Variants in PROM1 observed in about 807,000 individuals in gnomAD.
The protein encoded by PROM1 is prominin-1.
PROM1 carries 105 observed loss-of-function variants against 116.9 expected under a neutral mutation model. The ratio of observed to expected loss-of-function variants is 0.90; its 90% CI spans 0.77 to 1.06. The LOEUF is 1.06. PROM1 is among the 50% of genes least tolerant of loss of function. PROM1 has a pLI of 0.00. For missense variants in PROM1, 1,122 were observed against 1,045.2 expected (o/e 1.07, Z -1.01); for synonymous variants, 393 against 387.0 (o/e 1.02, Z -0.18).
chr4:16,075,844 CCCT>C lies in PROM1; in HGVS notation c.60_62del (p.Gly21del). ...TAGGAGCATCTGTGGATGAAGGCTG[CCCT>C]CCTGAAAAGGAGTTCCCGCACAGCC... On this transcript the variant is annotated inframe_deletion, in exon 2 of 28. Coordinates refer to ENST00000447510, the MANE Select transcript of PROM1 (RefSeq NM_006017.3). 1.9e-6 allele frequency: 3 copies of C among 1,613,686 alleles called. No individual in the cohort carries two copies. The highest frequency in any genetic ancestry group is 2.5e-6 in the Non-Finnish European group (3 of 1,179,796).
At chr4:15,992,537 G>A (rs1721329593) in intron 16 of PROM1, 146 bp from the exon 17 acceptor site, 2 of 782,518 alleles carry the variant, frequency 2.6e-6, no homozygotes, top group Admixed American at 3.5e-5. Context: ...AGGATCGCTT[G>A]AGCTCAGGAG....
chr4:15,985,511 CT>C (rs1189601697), intron 22 of PROM1: 1 of 461,470 alleles, frequency 2.2e-6, no homozygotes, highest in Non-Finnish European at 3.8e-6. Flanking sequence ...CCTTTGTTAC[CT>C]GAAAAAGGGG....
intron 2 of PROM1, among the ~76,000 whole-genome samples, chr4:16,061,996 A>T (rs1297076094): frequency 2.1e-5 from 3 of 144,054 alleles, no homozygotes; most frequent in Non-Finnish European, 4.5e-5. Context: ...GGTTCACACC[A>T]TTCTCCTGCC....
At chr4:16,078,773 C>T (rs1176675459) in intron 1 of PROM1, among the ~76,000 whole-genome samples, 3 of 152,210 alleles carry the variant, frequency 2.0e-5, no homozygotes, top group African/African-American at 7.2e-5. Context: ...AAGCTTTGGA[C>T]AACAGATGGG....
chr4:16,009,270 G>C (rs1220613417), intron 11 of PROM1, among the ~76,000 whole-genome samples, 162 bp from the exon 12 acceptor site: 1 of 152,204 alleles, frequency 6.6e-6, no homozygotes, highest in Non-Finnish European at 1.5e-5. Context: ...ATATAGCCAA[G>C]ACCATCGAAA....
intron 11 of PROM1, among the ~76,000 whole-genome samples, chr4:16,012,982 G>A (rs1727309446): frequency 6.6e-6 from 1 of 151,938 alleles, no homozygotes; most frequent in South Asian, 2.1e-4. Context: ...CCAAACTGTG[G>A]CTGCTGTAAG....
intron 23 of PROM1, among the ~76,000 whole-genome samples, chr4:15,982,965 G>C (rs181887973): frequency 2.0e-5 from 3 of 152,334 alleles, no homozygotes; most frequent in Admixed American, 6.5e-5. Flanking sequence ...AACTGTGCCA[G>C]AGAGCTACCT....
chr4:16,050,042 C>A (rs1185420339), intron 2 of PROM1, among the ~76,000 whole-genome samples: 1 of 152,056 alleles, frequency 6.6e-6, no homozygotes, highest in Non-Finnish European at 1.5e-5. Flanking sequence ...GTGGGCAGAT[C>A]ACGAGGTCAG....
intron 10 of PROM1, among the ~76,000 whole-genome samples, chr4:16,014,023 C>T (rs563780290): frequency 1.3e-5 from 2 of 152,240 alleles, no homozygotes; most frequent in African/African-American, 2.4e-5. Flanking sequence ...AAAAAACAAC[C>T]GTGCCGAGCG....
At chr4:16,004,286 T>C (rs1421852371) in intron 13 of PROM1, among the ~76,000 whole-genome samples, 1 of 152,240 alleles carries the variant, frequency 6.6e-6, no homozygotes, top group Non-Finnish European at 1.5e-5. Flanking sequence ...TTCTTCCTGC[T>C]GCTGAGATGA....
intron 26 of PROM1, among the ~76,000 whole-genome samples, chr4:15,977,425 A>T (rs1036575370): frequency 2.6e-5 from 4 of 152,166 alleles, no homozygotes; most frequent in Non-Finnish European, 4.4e-5. Flanking sequence ...GCTACACCGC[A>T]AAAAGGAAGG....
At chr4:15,976,063 T>A (rs1387735342) in intron 26 of PROM1, 2 of 405,392 alleles carry the variant, frequency 4.9e-6, no homozygotes, top group Non-Finnish European at 1.0e-5. Context: ...CACAGGTGTA[T>A]GAAGTGCTAG....
At chr4:15,973,550 C>T (rs1715233291) in intron 26 of PROM1, among the ~76,000 whole-genome samples, 1 of 152,152 alleles carries the variant, frequency 6.6e-6, no homozygotes, top group African/African-American at 2.4e-5. Context: ...GTTGGGCCCC[C>T]ATGGTGTTTT....
chr4:16,018,550 C>T lies in PROM1; in HGVS notation c.785-10G>A. The T allele has an allele frequency of 6.3e-7, 1 of 1,595,210 alleles. No homozygotes were observed. Among genetic ancestry groups the T allele is most frequent in the South Asian group, 1.1e-5 (1 of 88,518 alleles). On this transcript the variant is annotated splice_polypyrimidine_tract_variant and intron_variant, in intron 8 of 27. Coordinates refer to ENST00000447510, the MANE Select transcript of PROM1 (RefSeq NM_006017.3). ...TTGGTCTCCTTGATCGCTATGGAAACACAGCCCGCTTCAGAACACACATGC... is the reference window on the plus strand; with the variant it reads ...TTGGTCTCCTTGATCGCTATGGAAATACAGCCCGCTTCAGAACACACATGC...
At chr4:16,047,486 T>C (rs908089596) in intron 2 of PROM1, among the ~76,000 whole-genome samples, 1 of 152,212 alleles carries the variant, frequency 6.6e-6, no homozygotes, top group South Asian at 2.1e-4. Flanking sequence ...ATTACAGGTA[T>C]GAGCCACCAT....
intron 2 of PROM1, among the ~76,000 whole-genome samples, chr4:16,043,698 G>A (rs994557113): frequency 2.6e-5 from 4 of 152,200 alleles, no homozygotes; most frequent in Admixed American, 1.3e-4. Context: ...GTGTACTGTA[G>A]CCCGAAATAC....
At chr4:16,056,584 T>G (rs1238008056) in intron 2 of PROM1, among the ~76,000 whole-genome samples, 1 of 150,846 alleles carries the variant, frequency 6.6e-6, no homozygotes, top group Non-Finnish European at 1.5e-5. Flanking sequence ...GTGAGGGGTG[T>G]TGGGGTGGAA....
chr4:16,038,451 G>A (rs60692477), intron 3 of PROM1, among the ~76,000 whole-genome samples: 4,731 of 152,216 alleles, frequency 0.031, 232 homozygotes, highest in African/African-American at 0.099. Context: ...CACCCAGGCT[G>A]GAGTACAATG....
At chr4:16,082,557 C>T (rs1455385365) in intron 1 of PROM1, 3 of 152,262 alleles carry the variant, frequency 2.0e-5, no homozygotes, top group African/African-American at 4.8e-5. Flanking sequence ...CCCTCCAGGC[C>T]TAGCTCCCTT....
Sources: gnomAD v4.1 joint callset for allele counts (sites outside exome capture counted in the v4.1 genomes callset) on GRCh38, gnomAD v4.1.1 for gene constraint, MANE v1.5 for transcripts, NCBI Gene and HGNC (gene_info 2026-07-23, HGNC 2026-07-21) for gene names.